MCF2: variants seen among roughly 807,000 people sequenced by gnomAD.
MCF2 encodes MCF.2 cell line derived transforming sequence.
MCF2 carries 44 observed loss-of-function variants against 82.5 expected under a neutral mutation model. That is an observed-to-expected ratio of 0.53 (90% CI 0.42 to 0.69). The LOEUF (loss-of-function observed/expected upper bound fraction) is 0.69, where lower values mean the gene tolerates loss of function less well. Ranked by LOEUF, MCF2 falls within the 30% of genes least tolerant of loss-of-function variation. MCF2 has a pLI of 0.00. For synonymous variants in MCF2, 217 were observed against 224.9 expected, an observed-to-expected ratio of 0.96 and a Z score of 0.32; for missense variants, 623 against 663.1, an observed-to-expected ratio of 0.94 and a Z score of 0.66.
intron 18 of MCF2, among the ~76,000 whole-genome samples, chrX:139,597,023 T>A (rs777015838): frequency 2.7e-5 from 3 of 111,387 alleles, no homozygotes; most frequent in African/African-American, 9.8e-5. Flanking sequence ...AGGGTAAGTC[T>A]CCCCATCTCT....
chrX:139,678,809 T>A (rs1006735168), intron 1 of MCF2, among the ~76,000 whole-genome samples: 4 of 112,280 alleles, frequency 3.6e-5, no homozygotes, highest in East Asian at 2.8e-4. Context: ...CAACATTTTT[T>A]AAAAAATCTA....
At chrX:139,665,990 T>TAC (rs200682442) in intron 1 of MCF2, among the ~76,000 whole-genome samples, 178 of 94,632 alleles carry the variant, frequency 1.9e-3, no homozygotes, top group Non-Finnish European at 2.7e-3. Context: ...CACACACACA[T>TAC]ACACACACAC....
At chrX:139,632,509 A>G in intron 1 of MCF2, 55 bp from the exon 5 acceptor site, 1 of 1,042,035 alleles carries the variant, frequency 9.6e-7, no homozygotes, top group Non-Finnish European at 1.3e-6. Context: ...CACACACTCA[A>G]CTGAGCACAT....
chrX:139,692,186 C>T lies in MCF2; in HGVS notation c.-45+15920G>A, dbSNP rs796445415. 4 of 954,427 alleles carry T rather than the reference C, an allele frequency of 4.2e-6. No homozygotes were observed. In the South Asian group the frequency reaches 6.8e-5, roughly 16 times the overall value. The allele number at this position is 954,427 out of a possible 1,213,427, so 78.7% of individuals were successfully genotyped here. ...GCCGGGCCCCTGCCGCTGCCATCCTCACGCTGGAGAGCCGGGCAGGGCCGC... is the reference window on the plus strand; with the variant it reads ...GCCGGGCCCCTGCCGCTGCCATCCTTACGCTGGAGAGCCGGGCAGGGCCGC... On this transcript the variant is annotated intron_variant, in intron 1 of 27. Transcript: ENST00000414978.
At chrX:139,587,009 T>A (rs1929028125) in intron 22 of MCF2, among the ~76,000 whole-genome samples, 1 of 111,811 alleles carries the variant, frequency 8.9e-6, no homozygotes, top group African/African-American at 3.2e-5. Context: ...ACCATATGTT[T>A]CATCTGATTT....
chrX:139,614,504 AAT>A (rs1294467348), intron 10 of MCF2, among the ~76,000 whole-genome samples: 1 of 50,590 alleles, frequency 2.0e-5, no homozygotes, highest in Non-Finnish European at 3.4e-5. Flanking sequence ...AGTAGCAGTA[AAT>A]ATGTGTGTGT....
At chrX:139,639,313 T>C (rs1933421149) in intron 1 of MCF2, among the ~76,000 whole-genome samples, 1 of 111,967 alleles carries the variant, frequency 8.9e-6, no homozygotes. Flanking sequence ...TTTAAAAAAA[T>C]AGTTTGCACG....
At chrX:139,631,270 A>G in intron 3 of MCF2, 125 bp downstream of exon 6, 1 of 424,409 alleles carries the variant, frequency 2.4e-6, no homozygotes, top group Non-Finnish European at 4.1e-6. Flanking sequence ...ATGAGGGCCC[A>G]GAAAGCTGGG....
chrX:139,586,042 C>G (rs2148385786), intron 23 of MCF2, among the ~76,000 whole-genome samples: 1 of 111,675 alleles, frequency 9.0e-6, no homozygotes, highest in South Asian at 3.8e-4. Flanking sequence ...GACCATGCAT[C>G]AAAATCACAG....
At chrX:139,596,365 C>T (rs1214755992) in intron 19 of MCF2, among the ~76,000 whole-genome samples, 184 bp downstream of exon 23, 5 of 110,991 alleles carry the variant, frequency 4.5e-5, no homozygotes, top group Non-Finnish European at 9.5e-5. Context: ...AATTACCTCA[C>T]CTTCACTTCA....
intron 4 of MCF2, among the ~76,000 whole-genome samples, chrX:139,627,191 C>G (rs184478995): frequency 1.8e-5 from 2 of 111,911 alleles, no homozygotes; most frequent in South Asian, 7.5e-4. Flanking sequence ...CTCAGGCTCC[C>G]GCGTAGCAGG....
intron 1 of MCF2, among the ~76,000 whole-genome samples, chrX:139,664,514 C>T (rs940280001): frequency 1.8e-5 from 2 of 111,195 alleles, no homozygotes; most frequent in African/African-American, 6.5e-5. Flanking sequence ...CCCAAGGGAT[C>T]TTTAATCAGC....
At chrX:139,592,123 T>C (rs73573954) in intron 19 of MCF2, among the ~76,000 whole-genome samples, 1 of 111,603 alleles carries the variant, frequency 9.0e-6, no homozygotes, top group Non-Finnish European at 1.9e-5. Flanking sequence ...ATTTTCCAAG[T>C]AATCCTGGTC....
intron 6 of MCF2, among the ~76,000 whole-genome samples, chrX:139,621,593 A>G (rs1484620725): frequency 1.8e-5 from 2 of 111,950 alleles, no homozygotes; most frequent in Non-Finnish European, 3.8e-5. Flanking sequence ...CAACCATCTG[A>G]TCTTTGACAA....
intron 1 of MCF2, among the ~76,000 whole-genome samples, chrX:139,696,594 T>C (rs1407341185): frequency 9.1e-6 from 1 of 110,266 alleles, no homozygotes; most frequent in South Asian, 3.8e-4. Flanking sequence ...TGGCTAATTT[T>C]TCTATTTTTT....
rs200350282 is a variant in MCF2, at chrX:139,662,048, CACAG to C, written c.-44-10264_-44-10261del. ...CATAAAAAACACTAAGGAATTTACA[CACAG>C]ACAGACAGACAGACACACAAAAGCT... On this transcript the variant is annotated intron_variant, in intron 1 of 27. Transcript: ENST00000414978. Among the ~76,000 whole-genome samples, 9 of 111,504 alleles carry C rather than the reference CACAG, an allele frequency of 8.1e-5. No homozygotes were observed. The East Asian group carries it at 1.4e-3, about 17-fold the overall frequency.
intron 1 of MCF2, among the ~76,000 whole-genome samples, chrX:139,666,679 G>A (rs2148546185): frequency 9.0e-6 from 1 of 111,409 alleles, no homozygotes; most frequent in South Asian, 3.8e-4. Context: ...AATATAATGT[G>A]CCCTTAAGAA....
chrX:139,699,470 A>G (rs1935444315), intron 1 of MCF2, among the ~76,000 whole-genome samples: 1 of 112,209 alleles, frequency 8.9e-6, no homozygotes, highest in Admixed American at 9.5e-5. Flanking sequence ...CATCGTCCCC[A>G]AAAGAAACCT....
At chrX:139,669,241 C>G (rs754109527) in intron 1 of MCF2, among the ~76,000 whole-genome samples, 9 of 111,479 alleles carry the variant, frequency 8.1e-5, no homozygotes, top group African/African-American at 2.6e-4. Flanking sequence ...AGACATATCT[C>G]CAAAGAAGAT....
Sources: allele counts gnomAD v4.1 joint callset (sites outside exome capture counted in the v4.1 genomes callset), GRCh38; gene constraint gnomAD v4.1.1; transcripts MANE v1.5; gene names NCBI Gene and HGNC (gene_info 2026-07-23, HGNC 2026-07-21).